C8orf89: variants seen among roughly 807,000 people sequenced by gnomAD.
C8orf89 encodes the protein chromosome 8 open reading frame 89.
A neutral mutation model predicts 15.8 loss-of-function variants in C8orf89; 14 were observed. The observed-to-expected ratio is 0.89, with a 90% CI of 0.59 to 1.39. C8orf89 has a LOEUF of 1.39. Ranked by LOEUF, C8orf89 falls within the 40% of genes most tolerant of loss-of-function variation. C8orf89 has a pLI of 0.00. For missense variants in C8orf89, 181 were observed against 184.5 expected, an observed-to-expected ratio of 0.98 and a Z score of 0.11; for synonymous variants, 55 against 62.2, an observed-to-expected ratio of 0.88 and a Z score of 0.54.
At chr8:73,279,409 C>T in the C8orf89 span, among the ~76,000 whole-genome samples, 2 of 152,112 alleles carry the variant, frequency 1.3e-5, no homozygotes, top group Non-Finnish European at 2.9e-5. Context: ...TGAATTCAGA[C>T]CCCAGACTTG....
rs932250624 is a variant in C8orf89 at position 73,241,387 on chromosome 8, A to G, written c.*70T>C. On this transcript the variant is annotated 3_prime_UTR_variant, in exon 4 of 4. Coordinates refer to ENST00000624510, the MANE Select transcript of C8orf89 (RefSeq NM_001243237.3). ...ATTTTTATATAAATCATTTTGCATC[A>G]TATCATATAAAAAAAGAAAATATAA... The G allele has an allele frequency of 1.0e-5, 12 of 1,202,882 alleles. No individual in the cohort carries two copies. Among genetic ancestry groups the G allele is most frequent in the Non-Finnish European group, 1.2e-5 (11 of 929,822 alleles). The allele number at this position is 1,202,882 out of a possible 1,614,324, so 74.5% of individuals were successfully genotyped here.
intron 1 of C8orf89, 38 bp from the exon 2 acceptor site, chr8:73,257,164 C>T (rs985247972): frequency 1.2e-5 from 16 of 1,353,152 alleles, no homozygotes; most frequent in Non-Finnish European, 9.0e-6. Flanking sequence ...TGATTAAATG[C>T]ATACTACTTG....
the C8orf89 span, among the ~76,000 whole-genome samples, chr8:73,272,489 T>TACATGTGCACATGTGC: frequency 1.3e-5 from 2 of 152,096 alleles, no homozygotes; most frequent in Non-Finnish European, 2.9e-5. Flanking sequence ...AGTTCTAGGG[T>TACATGTGCACATGTGC]ACATGTGCAC....
intron 3 of C8orf89, among the ~76,000 whole-genome samples, chr8:73,243,511 T>C (rs998194221): frequency 2.6e-5 from 4 of 152,094 alleles, no homozygotes; most frequent in Non-Finnish European, 4.4e-5. Flanking sequence ...AAAAATGCCA[T>C]GTTTACTTTC....
chr8:73,264,696 G>A, the C8orf89 span, among the ~76,000 whole-genome samples: 2 of 152,110 alleles, frequency 1.3e-5, no homozygotes, highest in Non-Finnish European at 2.9e-5. Flanking sequence ...TTGCCATGTT[G>A]ACCAGGCTGG....
upstream of C8orf89, among the ~76,000 whole-genome samples, chr8:73,262,177 A>G (rs1002335306): frequency 6.6e-6 from 1 of 152,156 alleles, no homozygotes; most frequent in African/African-American, 2.4e-5. Context: ...CTTCTTTCTC[A>G]TTTTATTTGT....
the C8orf89 span, among the ~76,000 whole-genome samples, chr8:73,280,422 G>A: frequency 4.6e-5 from 7 of 152,128 alleles, no homozygotes; most frequent in Admixed American, 2.0e-4. Context: ...CCAGGCTGGA[G>A]TGCAGTGGCA....
At position 73,244,711 on chromosome 8, in the gene C8orf89, T is replaced by C. The variant is rs547294970; in HGVS notation, c.338-3106A>G. On this transcript the variant is annotated intron_variant, in intron 3 of 3. Transcript: ENST00000624510. ...GAGAAACAGGTGAGAGTTAAGAATA[T>C]GATCAGGACTTCTGTTCTTAGCAGT... 9.9e-5 allele frequency among the ~76,000 whole-genome samples: 15 copies of C among 152,254 alleles called. No individual in the cohort carries two copies. In the South Asian group the frequency reaches 2.7e-3, roughly 27 times the overall value.
At chr8:73,257,398 C>G (rs1813419110) in intron 1 of C8orf89, among the ~76,000 whole-genome samples, 1 of 152,158 alleles carries the variant, frequency 6.6e-6, no homozygotes, top group Admixed American at 6.5e-5. Flanking sequence ...CCTCTGCTTT[C>G]ATTATTTTAT....
chr8:73,265,724 C>T, the C8orf89 span, among the ~76,000 whole-genome samples: 5 of 152,332 alleles, frequency 3.3e-5, no homozygotes, highest in African/African-American at 1.2e-4. Flanking sequence ...ACAAAAAGAA[C>T]TGCTTATTAG....
At chr8:73,254,011 A>C (rs538636996) in intron 2 of C8orf89, among the ~76,000 whole-genome samples, 1 of 152,114 alleles carries the variant, frequency 6.6e-6, no homozygotes, top group African/African-American at 2.4e-5. Context: ...GTCTTGGGCC[A>C]GTTTTCAAAG....
the C8orf89 span, among the ~76,000 whole-genome samples, chr8:73,276,032 C>T: frequency 6.6e-6 from 1 of 151,976 alleles, no homozygotes; most frequent in Non-Finnish European, 1.5e-5. Flanking sequence ...TGCATATAAG[C>T]TTATTTCTGT....
At chr8:73,258,319 G>A (rs1205703878) in intron 1 of C8orf89, among the ~76,000 whole-genome samples, 1 of 149,814 alleles carries the variant, frequency 6.7e-6, no homozygotes, top group Non-Finnish European at 1.5e-5. Context: ...GCTGAGGCAG[G>A]TGAATCACTT....
upstream of C8orf89, among the ~76,000 whole-genome samples, chr8:73,262,165 A>T (rs1169929466): frequency 6.6e-6 from 1 of 152,196 alleles, no homozygotes; most frequent in Non-Finnish European, 1.5e-5. Context: ...AGACTCTAAC[A>T]GCTTCTTTCT....
chr8:73,247,270 A>AT (rs1294274812), intron 3 of C8orf89, among the ~76,000 whole-genome samples: 1 of 582 alleles, frequency 1.7e-3, no homozygotes, highest in African/African-American at 6.8e-3. Flanking sequence ...AAAGGACATG[A>AT]TCTGTTCTTT....
chr8:73,253,629 T>A (rs1813299832), intron 2 of C8orf89, among the ~76,000 whole-genome samples: 1 of 151,752 alleles, frequency 6.6e-6, no homozygotes, highest in South Asian at 2.1e-4. Context: ...TGGTTTGTAG[T>A]TCTCCTTGAA....
the C8orf89 span, among the ~76,000 whole-genome samples, chr8:73,278,915 C>T: frequency 7.9e-4 from 121 of 152,214 alleles, 1 homozygote; most frequent in African/African-American, 2.7e-3. Flanking sequence ...ATCTTAGGTA[C>T]GACAACTCTT....
At chr8:73,267,549 T>C in the C8orf89 span, among the ~76,000 whole-genome samples, 1 of 152,240 alleles carries the variant, frequency 6.6e-6, no homozygotes, top group Non-Finnish European at 1.5e-5. Context: ...TAAATGATGA[T>C]AGGAAAGTTT....
chr8:73,253,373 G>A (rs1278383640), intron 2 of C8orf89, among the ~76,000 whole-genome samples: 3 of 152,272 alleles, frequency 2.0e-5, no homozygotes, highest in Admixed American at 1.3e-4. Context: ...GTAGCGTGAT[G>A]CCTCCAGCTT....
Sources: allele counts gnomAD v4.1 joint callset (sites outside exome capture counted in the v4.1 genomes callset), GRCh38; gene constraint gnomAD v4.1.1; transcripts MANE v1.5; gene names NCBI Gene and HGNC (gene_info 2026-07-23, HGNC 2026-07-21).